The following EPG5 variants were observed in gnomAD, a reference collection of about 807,000 sequenced individuals.
EPG5 encodes the protein ectopic P-granules 5 autophagy tethering factor.
EPG5 carries 159 observed loss-of-function variants against 302.7 expected under a neutral mutation model. That is an observed-to-expected ratio of 0.53 (90% CI 0.46 to 0.60). The LOEUF is 0.60. Ranked by LOEUF, EPG5 falls within the 20% of genes least tolerant of loss-of-function variation. The pLI is 0.00. For synonymous variants in EPG5, 1,158 were observed against 1,136.8 expected (o/e 1.02, Z -0.37); for missense variants, 2,896 against 3,092.4 (o/e 0.94, Z 1.51).
At chr18:45,953,898 C>T (rs1299104148) in intron 2 of EPG5, 2 of 985,160 alleles carry the variant, frequency 2.0e-6, no homozygotes, top group East Asian at 1.1e-4. Flanking sequence ...CCTTCTCAAC[C>T]TTGACACTCT....
intron 24 of EPG5, among the ~76,000 whole-genome samples, chr18:45,906,946 C>A (rs946001103): frequency 2.6e-5 from 4 of 152,294 alleles, no homozygotes; most frequent in Middle Eastern, 3.4e-3. Flanking sequence ...GTGGGCCATG[C>A]ACCTGGCCCA....
In EPG5 at chr18:45,912,295, C is replaced by A; in HGVS notation, c.3978G>T (p.Gln1326His). 3 of 1,589,586 alleles carry A rather than the reference C, an allele frequency of 1.9e-6. No homozygotes were observed. The highest frequency in any genetic ancestry group is 2.2e-5 in the East Asian group (1 of 44,562). ...FLLYLHRPGP[Q>H]YGLPIDGCIG... is the part of the protein sequence containing the mutation. ...TACAATACTGGGCAGCATACCCATA[C>A]TGTGGTCCCGGACGGTGAAGATACA... Residue 1326 changes from glutamine (Q) to histidine (H), a missense_variant, in exon 22 of 44, where the codon CAG (glutamine) becomes CAT (histidine). This residue lies in a region of EPG5 where 790 missense variants were observed against 798.0 expected (regional missense o/e 0.99). Transcript: ENST00000282041.
At chr18:45,825,714 T>C in the EPG5 span, 5 of 1,614,142 alleles carry the variant, frequency 3.1e-6, no homozygotes, top group Non-Finnish European at 4.2e-6. Flanking sequence ...CCTGGGGTGT[T>C]CAGATGCTCA....
the EPG5 span, chr18:45,837,741 T>G: frequency 9.3e-6 from 14 of 1,511,076 alleles, no homozygotes; most frequent in Non-Finnish European, 1.2e-5. Context: ...CACGGCCGCT[T>G]CCGGCTGCTG....
the EPG5 span, among the ~76,000 whole-genome samples, chr18:45,801,440 T>G: frequency 6.6e-6 from 1 of 152,146 alleles, no homozygotes; most frequent in Non-Finnish European, 1.5e-5. Context: ...AGTAATTGGC[T>G]TTTAAACATT....
At chr18:45,837,505 G>T in the EPG5 span, 1 of 1,482,600 alleles carries the variant, frequency 6.7e-7, no homozygotes, top group Non-Finnish European at 8.9e-7. Context: ...AGCCCGCCCC[G>T]CCCTCAGGCT....
intron 16 of EPG5, among the ~76,000 whole-genome samples, chr18:45,919,140 G>T (rs1487256469): frequency 6.6e-6 from 1 of 152,164 alleles, no homozygotes; most frequent in African/African-American, 2.4e-5. Context: ...GTGATTTTCT[G>T]ACTTCTCTAC....
At chr18:45,822,939 G>A in the EPG5 span, among the ~76,000 whole-genome samples, 1 of 152,172 alleles carries the variant, frequency 6.6e-6, no homozygotes. Context: ...GAGACGTAAA[G>A]TCACAGCCAC....
chr18:45,824,934 T>C, the EPG5 span, among the ~76,000 whole-genome samples: 1 of 151,342 alleles, frequency 6.6e-6, no homozygotes, highest in African/African-American at 2.4e-5. Flanking sequence ...TTAGAGAGAC[T>C]AGGAAGACCC....
intron 35 of EPG5, among the ~76,000 whole-genome samples, chr18:45,873,837 G>T (rs899012416): frequency 6.6e-6 from 1 of 152,076 alleles, no homozygotes; most frequent in African/African-American, 2.4e-5. Context: ...TACAAATAAG[G>T]TACAGCCAGA....
rs1415985550 is a variant in EPG5 at position 45,954,693 on chromosome 18, G to A, written c.709C>T (p.Leu237Phe). 6.2e-7 allele frequency: 1 copy of A among 1,614,220 alleles called. No homozygotes were observed. The highest frequency in any genetic ancestry group is 8.5e-7 in the Non-Finnish European group (1 of 1,180,042). ...TCTGGGTAGAGTCGCTCACTGCGAA[G>A]CAAGGGTTTCACTGCCACCAAAGCT... ...APALVAVKPL[L>F]RSERLYPELP... Residue 237 changes from leucine (L) to phenylalanine (F), a missense_variant, in exon 2 of 44, where the codon CTT becomes TTT. Leu to Phe is a conservative substitution (Grantham distance 22). Coordinates refer to ENST00000282041, the MANE Select transcript of EPG5 (RefSeq NM_020964.3).
chr18:45,910,292 C>T (rs757586645), intron 23 of EPG5, among the ~76,000 whole-genome samples: 2 of 152,184 alleles, frequency 1.3e-5, no homozygotes, highest in African/African-American at 4.8e-5. Flanking sequence ...GGATTTATCG[C>T]TCAGACTACA....
chr18:45,892,704 A>T (rs1240758772), intron 27 of EPG5, among the ~76,000 whole-genome samples: 2 of 152,214 alleles, frequency 1.3e-5, no homozygotes, highest in South Asian at 4.1e-4. Context: ...AGCATGTCTC[A>T]CTTCCCATAA....
the EPG5 span, among the ~76,000 whole-genome samples, chr18:45,836,138 G>A: frequency 6.6e-6 from 1 of 152,184 alleles, no homozygotes; most frequent in Admixed American, 6.5e-5. Context: ...TCCTGCCCAA[G>A]GAGCAAATTG....
intron 35 of EPG5, among the ~76,000 whole-genome samples, chr18:45,872,428 G>A (rs550060069): frequency 2.6e-5 from 4 of 152,328 alleles, no homozygotes; most frequent in East Asian, 1.9e-4. Context: ...ACGAGGCTGT[G>A]TGCAGTGGCT....
chr18:45,966,033 C>G (rs1382853543), intron 1 of EPG5, among the ~76,000 whole-genome samples: 5 of 149,306 alleles, frequency 3.3e-5, no homozygotes, highest in Admixed American at 2.0e-4. Flanking sequence ...TGCACTCCAG[C>G]CTGGACGACA....
chr18:45,862,876 A>G (rs759543836), intron 39 of EPG5, among the ~76,000 whole-genome samples: 21 of 152,232 alleles, frequency 1.4e-4, no homozygotes, highest in Admixed American at 3.9e-4. Context: ...ATTTTGATGC[A>G]CTGTATTTTA....
rs1296377084 is a variant in EPG5, at chr18:45,907,996, C to T, written c.4291G>A (p.Asp1431Asn). 1 of 1,593,172 alleles carries T rather than the reference C, an allele frequency of 6.3e-7. No individual in the cohort carries two copies. Among genetic ancestry groups the T allele is most frequent in the East Asian group, 2.3e-5 (1 of 43,974 alleles). The change falls in exon 24 of 44, where the codon GAT becomes AAT. Residue 1431 changes from aspartate to asparagine, a missense_variant. Physicochemically the swap from Asp to Asn is conservative, Grantham distance 23 (BLOSUM62 1). Around this residue, in one of 5 missense-constraint regions of EPG5, gnomAD observed 790 missense variants for 798.0 expected, o/e 0.99. Transcript: ENST00000282041. Reference sequence around the variant, plus strand: ...ATCACTTTTGCTAGCCTGTGAATATCATAATGCTTTGGTAGAGAAGGGATA... The same window carrying T: ...ATCACTTTTGCTAGCCTGTGAATATTATAATGCTTTGGTAGAGAAGGGATA... ...TYIPSLPKHY[D>N]IHRLAKVMQN...
chr18:45,858,941 C>T (rs900938689), intron 40 of EPG5, among the ~76,000 whole-genome samples, 159 bp from the exon 41 acceptor site: 2 of 152,124 alleles, frequency 1.3e-5, no homozygotes, highest in Non-Finnish European at 2.9e-5. Context: ...TTACAGTGAC[C>T]TTGGAGGCTA....
Sources: allele counts gnomAD v4.1 joint callset (sites outside exome capture counted in the v4.1 genomes callset), GRCh38; gene constraint gnomAD v4.1.1; regional missense constraint gnomAD v4.1.1; transcripts MANE v1.5; gene names NCBI Gene and HGNC (gene_info 2026-07-23, HGNC 2026-07-21).